The following PIN4 variants were observed in gnomAD, a reference collection of about 807,000 sequenced individuals.
The protein encoded by PIN4 is peptidylprolyl cis/trans isomerase, NIMA-interacting 4.
In PIN4, 3 loss-of-function variants were observed where a neutral mutation model predicts 8.3. That is an observed-to-expected ratio of 0.36 (90% CI 0.16 to 0.93). The LOEUF (loss-of-function observed/expected upper bound fraction) is 0.93. Ranked by LOEUF, PIN4 falls within the 40% of genes least tolerant of loss-of-function variation. The pLI is 0.44. For synonymous variants in PIN4, 18 were observed against 32.5 expected (o/e 0.55, Z 1.52); for missense variants, 75 against 100.6 (o/e 0.75, Z 1.09).
At chrX:72,239,203 T>G (rs1022392517) in intron 3 of PIN4, among the ~76,000 whole-genome samples, 9 of 113,121 alleles carry the variant, frequency 8.0e-5, no homozygotes, top group African/African-American at 2.9e-4. Flanking sequence ...GTGTGCTGCC[T>G]CAGTCTGTGA....
rs140030912 is a variant in PIN4 at position 72,193,138 on chromosome X, A to G, written c.118-3647A>G. Reference sequence around the variant, plus strand: ...GGTCACACTTGCAGACCCCACAGGAATGAAAAACTCTTTGTCGCACTGTCT... The same window carrying G: ...GGTCACACTTGCAGACCCCACAGGAGTGAAAAACTCTTTGTCGCACTGTCT... On this transcript the variant is annotated intron_variant, in intron 2 of 3. Transcript: ENST00000373669. Among the ~76,000 whole-genome samples, 147 of 111,394 alleles carry G rather than the reference A, an allele frequency of 1.3e-3. 2 individuals carry two copies. In the East Asian group the frequency reaches 0.032, roughly 24 times the overall value.
chrX:72,246,210 T>C (rs1216122818), intron 3 of PIN4, among the ~76,000 whole-genome samples: 1 of 112,034 alleles, frequency 8.9e-6, no homozygotes, highest in African/African-American at 3.2e-5. Flanking sequence ...AACCGGGAAG[T>C]GTCTTTGAGG....
chrX:72,190,801 A>G (rs1305033663), intron 2 of PIN4, among the ~76,000 whole-genome samples: 5 of 109,306 alleles, frequency 4.6e-5, no homozygotes, highest in Non-Finnish European at 9.5e-5. Context: ...AAAAATACAA[A>G]AATTAGTCGG....
chrX:72,224,031 G>A (rs1230007652), intron 3 of PIN4, among the ~76,000 whole-genome samples: 2 of 111,351 alleles, frequency 1.8e-5, no homozygotes, highest in Non-Finnish European at 3.8e-5. Flanking sequence ...TATCTTCACT[G>A]CTGGTACTGA....
chrX:72,213,768 A>G (rs776887189), intron 3 of PIN4, among the ~76,000 whole-genome samples: 1 of 112,089 alleles, frequency 8.9e-6, no homozygotes, highest in South Asian at 3.7e-4. Context: ...CACGGCTTCT[A>G]ATAGAGCTAT....
chrX:72,231,174 G>A (rs1472355655), intron 3 of PIN4, among the ~76,000 whole-genome samples: 1 of 112,034 alleles, frequency 8.9e-6, no homozygotes, highest in Non-Finnish European at 1.9e-5. Context: ...AACAACCAAA[G>A]TCACCATCAA....
At chrX:72,208,731 A>G in intron 3 of PIN4, 3 of 1,093,534 alleles carry the variant, frequency 2.7e-6, no homozygotes, top group Non-Finnish European at 3.7e-6. Context: ...AGGAGAAAGG[A>G]AACATTGAAC....
intron 3 of PIN4, chrX:72,205,101 G>A (rs2042808852): frequency 8.3e-7 from 1 of 1,209,349 alleles, no homozygotes; most frequent in African/African-American, 1.7e-5. Flanking sequence ...CTTTAACTAA[G>A]CAGTTTAGGG....
At chrX:72,262,810 G>T in exon 4 of PIN4, 7 of 936,528 alleles carry the variant, frequency 7.5e-6, no homozygotes, top group Non-Finnish European at 1.0e-5. Context: ...GGATTATTTT[G>T]CAGATGGCTG....
Position 72,245,674 on chromosome X carries a change from A to G in PIN4, c.313-17033A>G, listed in dbSNP as rs767627229. The stretch of plus-strand genomic sequence containing the variant: ...GCCAACAGTCATCTCCAGCTCTGCC[A>G]GCAGAGGGAGCCAGAAACTGAATTT... On this transcript the variant is annotated intron_variant, in intron 3 of 3. Transcript: ENST00000423432. 4.5e-5 allele frequency among the ~76,000 whole-genome samples: 5 copies of G among 111,882 alleles called. No homozygotes were observed. In the South Asian group the frequency reaches 1.9e-3, roughly 42 times the overall value.
chrX:72,246,590 C>T (rs2043068174), intron 3 of PIN4, among the ~76,000 whole-genome samples: 1 of 111,634 alleles, frequency 9.0e-6, no homozygotes, highest in African/African-American at 3.3e-5. Context: ...CCTCTCTGGC[C>T]ACGTCTTACT....
chrX:72,208,866 G>A (rs962957047), intron 3 of PIN4, among the ~76,000 whole-genome samples: 3 of 112,150 alleles, frequency 2.7e-5, no homozygotes, highest in Non-Finnish European at 5.6e-5. Context: ...CGTCACTTGA[G>A]ACACAAACAA....
At chrX:72,239,288 TGGA>T (rs1438575604) in intron 3 of PIN4, among the ~76,000 whole-genome samples, 4 of 112,321 alleles carry the variant, frequency 3.6e-5, no homozygotes, top group African/African-American at 1.3e-4. Flanking sequence ...TCATTGTGAG[TGGA>T]GGAGACTGCC....
At chrX:72,182,832 T>A (rs1349270867) in intron 1 of PIN4, among the ~76,000 whole-genome samples, 2 of 111,632 alleles carry the variant, frequency 1.8e-5, no homozygotes, top group African/African-American at 6.5e-5. Context: ...TGCAGCGTAG[T>A]GTTGCTGGAG....
chrX:72,231,142 T>C (rs1470530329), intron 3 of PIN4, among the ~76,000 whole-genome samples: 2 of 112,251 alleles, frequency 1.8e-5, no homozygotes, highest in East Asian at 5.6e-4. Flanking sequence ...TGCAGCATTA[T>C]TCATAGTAGC....
intron 2 of PIN4, among the ~76,000 whole-genome samples, chrX:72,189,874 C>T (rs187898718): frequency 0.026 from 2,907 of 111,045 alleles, 115 homozygotes; most frequent in African/African-American, 0.089. Context: ...AGGCACCAGT[C>T]GGTGAGGGAC....
chrX:72,250,875 A>G (rs2043084105), intron 3 of PIN4, among the ~76,000 whole-genome samples: 1 of 106,250 alleles, frequency 9.4e-6, no homozygotes, highest in Non-Finnish European at 1.9e-5. Context: ...AAGTAGCTGG[A>G]ATTACAGGTG....
At chrX:72,185,174 T>C (rs1308380801) in intron 1 of PIN4, among the ~76,000 whole-genome samples, 24 of 66,044 alleles carry the variant, frequency 3.6e-4, no homozygotes, top group African/African-American at 9.9e-4. Flanking sequence ...AAACAACTTT[T>C]CAATGGCTCC....
At position 72,208,998 on chromosome X, in the gene PIN4, A is replaced by AT. The variant is rs200391380; in HGVS notation, c.312+12100dup. 4.0e-4 allele frequency among the ~76,000 whole-genome samples: 45 copies of AT among 111,636 alleles called. No homozygotes were observed. In the East Asian group the frequency reaches 9.9e-3, roughly 24 times the overall value. The stretch of plus-strand genomic sequence containing the variant: ...GCACCCATAAGAAGTATGAAGTGAT[A>AT]TTTTTTGTAAAACAAACCTCTATGT... On this transcript the variant is annotated intron_variant, in intron 3 of 3. Transcript: ENST00000423432.
Sources: gnomAD v4.1 joint callset for allele counts (sites outside exome capture counted in the v4.1 genomes callset) on GRCh38, gnomAD v4.1.1 for gene constraint, MANE v1.5 for transcripts, NCBI Gene and HGNC (gene_info 2026-07-23, HGNC 2026-07-21) for gene names.